Variants in SOX5 observed in about 807,000 individuals in gnomAD.
SOX5 encodes transcription factor SOX-5.
In SOX5, 9 loss-of-function variants were observed where a neutral mutation model predicts 92.0. The observed-to-expected ratio is 0.10, with a 90% confidence interval of 0.06 to 0.17. The LOEUF is 0.17. Ranked by LOEUF, SOX5 falls within the 10% of genes least tolerant of loss-of-function variation. The probability of loss-of-function intolerance (pLI) is 1.00; values close to 1 mark genes in which losing one functional copy is unlikely to be tolerated. For missense variants in SOX5, 642 were observed against 944.5 expected (o/e 0.68, Z 4.20); for synonymous variants, 344 against 336.3 (o/e 1.02, Z -0.25).
In SOX5 at chr12:24,449,482, A is replaced by G. The variant is rs149866491; in HGVS notation, c.-250-80843T>C. On this transcript the variant is annotated intron_variant, in intron 1 of 4. Coordinates refer to the SOX5 transcript ENST00000446891. Reference sequence around the variant, plus strand: ...CCATTAAGGCACTCTTCATCACATCAGCCTGTTTTAACTCTCTGCAGAGCA... The same window carrying G: ...CCATTAAGGCACTCTTCATCACATCGGCCTGTTTTAACTCTCTGCAGAGCA... Among the ~76,000 whole-genome samples, 54 of 152,264 alleles carry G rather than the reference A, an allele frequency of 3.5e-4. No homozygotes were observed. In the East Asian group the frequency reaches 8.9e-3, roughly 25 times the overall value.
chr12:24,384,491 G>C (rs1250115212), intron 1 of SOX5, among the ~76,000 whole-genome samples: 2 of 152,174 alleles, frequency 1.3e-5, no homozygotes, highest in Non-Finnish European at 2.9e-5. Flanking sequence ...ATATGCAAAA[G>C]AGAAAGGGTA....
chr12:23,744,884 A>T (rs369698388), intron 4 of SOX5, among the ~76,000 whole-genome samples: 1 of 152,136 alleles, frequency 6.6e-6, no homozygotes, highest in East Asian at 1.9e-4. Flanking sequence ...AACAGGGTTG[A>T]TCTGTTCCAG....
intron 10 of SOX5, among the ~76,000 whole-genome samples, chr12:23,572,773 G>A (rs1948571536): frequency 6.6e-6 from 1 of 151,978 alleles, no homozygotes; most frequent in South Asian, 2.1e-4. Flanking sequence ...TCTAATCTTG[G>A]AGCTCATTTA....
At chr12:23,624,152 G>T (rs1046681427) in intron 8 of SOX5, among the ~76,000 whole-genome samples, 12 of 152,074 alleles carry the variant, frequency 7.9e-5, no homozygotes, top group South Asian at 2.1e-4. Context: ...CATAGAGAGT[G>T]AAGGTAGAAT....
chr12:23,694,747 G>A (rs2089504994), intron 6 of SOX5, among the ~76,000 whole-genome samples: 2 of 151,596 alleles, frequency 1.3e-5, no homozygotes, highest in South Asian at 4.2e-4. Flanking sequence ...CTATAGTTTT[G>A]CATTTTATAA....
At chr12:24,258,174 A>AAC (rs372020054) in intron 3 of SOX5, among the ~76,000 whole-genome samples, 2,049 of 151,942 alleles carry the variant, frequency 0.013, 37 homozygotes, top group African/African-American at 0.044. Context: ...TCCGTCAAAA[A>AAC]ACACACACAC....
chr12:23,846,142 T>C lies in SOX5; in HGVS notation c.322A>G (p.Thr108Ala), dbSNP rs2096572306. Reference protein sequence around the residue: ...MSSFAPHNSSTSPQKAEEGGR... With the variant: ...MSSFAPHNSSASPQKAEEGGR... ...CCTTCTTCTGCCTTCTGAGGTGAGG[T>C]AGATGAGTTGTGTGGGGCAAATGAA... Residue 108 changes from threonine to alanine, a missense_variant, in exon 3 of 15, where the codon ACC (threonine) becomes GCC (alanine). Coordinates refer to ENST00000451604, the MANE Select transcript of SOX5 (RefSeq NM_006940.6). The C allele has an allele frequency of 2.5e-6, 4 of 1,613,922 alleles. No individual in the cohort carries two copies. Among genetic ancestry groups the C allele is most frequent in the Non-Finnish European group, 3.4e-6 (4 of 1,179,962 alleles).
chr12:24,236,444 T>C (rs540864454), intron 3 of SOX5, among the ~76,000 whole-genome samples: 28 of 152,274 alleles, frequency 1.8e-4, no homozygotes, highest in African/African-American at 6.5e-4. Flanking sequence ...AGAATTTCCA[T>C]AGGAAAAAGT....
chr12:24,140,671 C>A (rs894441428), intron 4 of SOX5, among the ~76,000 whole-genome samples: 2 of 152,082 alleles, frequency 1.3e-5, no homozygotes, highest in African/African-American at 4.8e-5. Flanking sequence ...ATAGAAAATT[C>A]TCCCCCCTCA....
In SOX5 at chr12:24,450,614, C is replaced by A. The variant is rs1441653337; in HGVS notation, c.-250-81975G>T. ...GGCTCAAGTGATTCTCCTGCCTCAGCCTCCCAAGTAGCTGGGACTACAGGC... is the reference window on the plus strand; with the variant it reads ...GGCTCAAGTGATTCTCCTGCCTCAGACTCCCAAGTAGCTGGGACTACAGGC... On this transcript the variant is annotated intron_variant, in intron 1 of 4. Transcript: ENST00000446891. Among the ~76,000 whole-genome samples the A allele has an allele frequency of 2.0e-5, 3 of 152,064 alleles. No homozygotes were observed. The South Asian group carries it at 6.2e-4, about 31-fold the overall frequency.
intron 4 of SOX5, among the ~76,000 whole-genome samples, chr12:23,973,262 A>G (rs1444197689): frequency 6.7e-6 from 1 of 150,178 alleles, no homozygotes; most frequent in Non-Finnish European, 1.5e-5. Context: ...CCTGGGTTCA[A>G]GTGACTTCCT....
chr12:23,820,368 T>C (rs2096083452), intron 3 of SOX5, among the ~76,000 whole-genome samples: 1 of 152,192 alleles, frequency 6.6e-6, no homozygotes, highest in South Asian at 2.1e-4. Flanking sequence ...TCCCATTCTG[T>C]AGGTTGCATG....
At chr12:23,702,893 G>T (rs1327705442) in intron 6 of SOX5, among the ~76,000 whole-genome samples, 2 of 151,998 alleles carry the variant, frequency 1.3e-5, no homozygotes, top group African/African-American at 4.8e-5. Context: ...CACAATGAGT[G>T]CAAGCTTATA....
intron 2 of SOX5, among the ~76,000 whole-genome samples, chr12:24,350,331 T>C (rs186120143): frequency 1.3e-3 from 199 of 152,296 alleles, no homozygotes; most frequent in African/African-American, 4.7e-3. Context: ...TTTTGTTTTG[T>C]TTTGCTTTGA....
intron 4 of SOX5, among the ~76,000 whole-genome samples, chr12:24,137,291 G>T (rs1458243079): frequency 1.3e-5 from 2 of 152,114 alleles, no homozygotes; most frequent in East Asian, 3.9e-4. Flanking sequence ...TACTGAGGAG[G>T]TACAAGGTTG....
At chr12:24,045,575 C>CA (rs1387687688) in intron 4 of SOX5, among the ~76,000 whole-genome samples, 1 of 152,146 alleles carries the variant, frequency 6.6e-6, no homozygotes, top group African/African-American at 2.4e-5. Flanking sequence ...GCTGGGATTA[C>CA]AAGTGTGAGC....
rs752766642 is a variant in SOX5, at chr12:23,949,547, GA to G, written c.38+16del. Reference sequence around the variant, plus strand: ...GAGTTGTACTTCAATATATTAGGGGGAAAAAACTGTACTCACCTTTCAAACT... The same window carrying G: ...GAGTTGTACTTCAATATATTAGGGGGAAAAACTGTACTCACCTTTCAAACT... On this transcript the variant is annotated intron_variant, in intron 1 of 14. Transcript: ENST00000451604. 1.7e-5 allele frequency: 28 copies of G among 1,613,150 alleles called. No homozygotes were observed. The highest frequency in any genetic ancestry group is 1.3e-4 in the South Asian group (12 of 91,070).
At chr12:23,548,563 C>T (rs1021791560) in intron 11 of SOX5, among the ~76,000 whole-genome samples, 5 of 151,860 alleles carry the variant, frequency 3.3e-5, no homozygotes, top group African/African-American at 9.7e-5. Flanking sequence ...AAGGTGATTG[C>T]AGGAAATGGA....
At chr12:24,160,763 T>C (rs988748659) in intron 4 of SOX5, among the ~76,000 whole-genome samples, 2 of 152,010 alleles carry the variant, frequency 1.3e-5, no homozygotes, top group Non-Finnish European at 2.9e-5. Context: ...CACATCAACC[T>C]GCATGAGAAG....
Sources: allele counts gnomAD v4.1 joint callset (sites outside exome capture counted in the v4.1 genomes callset), GRCh38; gene constraint gnomAD v4.1.1; transcripts MANE v1.5; gene names NCBI Gene and HGNC (gene_info 2026-07-23, HGNC 2026-07-21).